PABPC4L: variants seen among roughly 807,000 people sequenced by gnomAD.
The protein encoded by PABPC4L is poly(A) binding protein cytoplasmic 4 like.
For missense variants in PABPC4L, 452 were observed against 451.4 expected (o/e 1.00, Z -0.01); for synonymous variants, 169 against 164.1 (o/e 1.03, Z -0.23).
chr4:134,105,847 A>G, the PABPC4L span, among the ~76,000 whole-genome samples: 1 of 151,694 alleles, frequency 6.6e-6, no homozygotes, highest in African/African-American at 2.4e-5. Context: ...TATGTGATTC[A>G]TGTTTTGAAA....
chr4:134,033,735 C>T, the PABPC4L span, among the ~76,000 whole-genome samples: 4 of 151,804 alleles, frequency 2.6e-5, no homozygotes, highest in Non-Finnish European at 5.9e-5. Context: ...CTATAAGGGG[C>T]TTAAGAGTTG....
chr4:134,014,298 G>A, the PABPC4L span, among the ~76,000 whole-genome samples: 4 of 152,172 alleles, frequency 2.6e-5, no homozygotes, highest in African/African-American at 9.7e-5. Context: ...AGGCAGCCAA[G>A]TAGCAACATA....
chr4:134,138,041 A>ATATG, the PABPC4L span, among the ~76,000 whole-genome samples: 1 of 151,740 alleles, frequency 6.6e-6, no homozygotes, highest in East Asian at 1.9e-4. Context: ...CTAAGCCAGT[A>ATATG]TATGCATGGT....
the PABPC4L span, among the ~76,000 whole-genome samples, chr4:134,020,400 T>C: frequency 6.6e-6 from 1 of 152,130 alleles, no homozygotes; most frequent in African/African-American, 2.4e-5. Flanking sequence ...GTTATTATCT[T>C]TAAAGCAAAA....
the PABPC4L span, among the ~76,000 whole-genome samples, chr4:134,127,934 C>A: frequency 6.6e-6 from 1 of 151,922 alleles, no homozygotes; most frequent in Non-Finnish European, 1.5e-5. Context: ...ATGAAAAAAT[C>A]TCCAATGAAA....
At chr4:134,001,090 A>G in the PABPC4L span, among the ~76,000 whole-genome samples, 1 of 152,074 alleles carries the variant, frequency 6.6e-6, no homozygotes, top group African/African-American at 2.4e-5. Flanking sequence ...CGTTTTCAAC[A>G]GCACATATGA....
the PABPC4L span, among the ~76,000 whole-genome samples, chr4:134,165,160 A>C: frequency 2.0e-5 from 3 of 152,158 alleles, no homozygotes; most frequent in Non-Finnish European, 4.4e-5. Context: ...TTTAAATCTA[A>C]AACCTAAAAC....
chr4:134,123,148 T>C, the PABPC4L span, among the ~76,000 whole-genome samples: 2 of 152,034 alleles, frequency 1.3e-5, no homozygotes. Context: ...GCACCTTATT[T>C]AATATATATT....
chr4:134,002,517 T>C, the PABPC4L span, among the ~76,000 whole-genome samples: 11 of 151,964 alleles, frequency 7.2e-5, no homozygotes, highest in Non-Finnish European at 1.5e-4. Flanking sequence ...GCTAAATAAA[T>C]CTTCAGAGAA....
the PABPC4L span, among the ~76,000 whole-genome samples, chr4:134,017,629 G>T: frequency 6.6e-6 from 1 of 152,080 alleles, no homozygotes; most frequent in East Asian, 1.9e-4. Flanking sequence ...TCTCTAATTA[G>T]ATGTCCTGGG....
the PABPC4L span, among the ~76,000 whole-genome samples, chr4:134,186,204 A>T: frequency 1.3e-5 from 2 of 152,170 alleles, no homozygotes; most frequent in Non-Finnish European, 2.9e-5. Flanking sequence ...TTCATATGGA[A>T]CCAAAAAAGA....
At chr4:134,117,020 CT>C in the PABPC4L span, among the ~76,000 whole-genome samples, 6 of 151,444 alleles carry the variant, frequency 4.0e-5, no homozygotes, top group Non-Finnish European at 8.9e-5. Flanking sequence ...CTTTCTTCTT[CT>C]ATTTTTCTGT....
the PABPC4L span, among the ~76,000 whole-genome samples, chr4:134,033,727 A>G: frequency 1.3e-5 from 2 of 151,950 alleles, no homozygotes; most frequent in African/African-American, 2.4e-5. Context: ...CTTCAATTCT[A>G]TAAGGGGCTT....
the PABPC4L span, among the ~76,000 whole-genome samples, chr4:134,077,270 A>C: frequency 6.6e-6 from 1 of 152,066 alleles, no homozygotes; most frequent in African/African-American, 2.4e-5. Flanking sequence ...TCTTTATATT[A>C]ATATATTCAG....
At chr4:134,191,814 GA>G (rs1729518976), downstream of PABPC4L, among the ~76,000 whole-genome samples, 1 of 150,574 alleles carries the variant, frequency 6.6e-6, no homozygotes, top group African/African-American at 2.4e-5. Flanking sequence ...CTCATCTTAA[GA>G]AAATACACAT....
chr4:134,094,576 A>C, the PABPC4L span, among the ~76,000 whole-genome samples: 1 of 151,928 alleles, frequency 6.6e-6, no homozygotes, highest in African/African-American at 2.4e-5. Flanking sequence ...CATTTCATAT[A>C]GTTTTCTTAA....
chr4:134,184,636 T>C, the PABPC4L span, among the ~76,000 whole-genome samples: 1 of 152,060 alleles, frequency 6.6e-6, no homozygotes, highest in Non-Finnish European at 1.5e-5. Context: ...TACCACAGTG[T>C]ATTTCTCCAT....
the PABPC4L span, among the ~76,000 whole-genome samples, chr4:133,951,102 GT>G: frequency 6.6e-6 from 1 of 151,940 alleles, no homozygotes; most frequent in Non-Finnish European, 1.5e-5. Flanking sequence ...TTGTTTGTTT[GT>G]TTTTTTGTTT....
At chr4:134,132,540 A>G in the PABPC4L span, among the ~76,000 whole-genome samples, 6 of 151,972 alleles carry the variant, frequency 3.9e-5, no homozygotes, top group Non-Finnish European at 1.5e-5. Flanking sequence ...AAGAATGGCA[A>G]TAATAAGAGA....
Sources: gnomAD v4.1 joint callset for allele counts (sites outside exome capture counted in the v4.1 genomes callset) on GRCh38, gnomAD v4.1.1 for gene constraint, MANE v1.5 for transcripts, NCBI Gene and HGNC (gene_info 2026-07-23, HGNC 2026-07-21) for gene names.